TOX: variants seen among roughly 807,000 people sequenced by gnomAD.
TOX encodes the protein thymocyte selection associated high mobility group box, also known as thymocyte selection-associated high mobility group box protein TOX.
A neutral mutation model predicts 53.7 loss-of-function variants in TOX; 11 were observed. That is an observed-to-expected ratio of 0.20 (90% CI 0.13 to 0.34). The LOEUF (loss-of-function observed/expected upper bound fraction) is 0.34, where lower values mean the gene tolerates loss of function less well. TOX is among the 10% of genes least tolerant of loss of function. The pLI is 1.00. For missense variants in TOX, 570 were observed against 664.6 expected, an observed-to-expected ratio of 0.86 and a Z score of 1.56; for synonymous variants, 225 against 245.3, an observed-to-expected ratio of 0.92 and a Z score of 0.77.
chr8:58,870,793 C>A (rs1468311326), intron 3 of TOX, among the ~76,000 whole-genome samples: 2 of 151,968 alleles, frequency 1.3e-5, no homozygotes, highest in African/African-American at 4.8e-5. Context: ...ACAGTCTTTT[C>A]AAAAAATTGG....
At chr8:58,933,676 T>C (rs976648588) in intron 3 of TOX, among the ~76,000 whole-genome samples, 12 of 152,082 alleles carry the variant, frequency 7.9e-5, no homozygotes, top group African/African-American at 2.9e-4. Context: ...TAGATCAAAG[T>C]TGTGTGGTTG....
At chr8:59,045,851 T>G (rs1803672405) in intron 1 of TOX, among the ~76,000 whole-genome samples, 1 of 152,210 alleles carries the variant, frequency 6.6e-6, no homozygotes, top group African/African-American at 2.4e-5. Flanking sequence ...TATCATGGAA[T>G]GAGGCCAAAA....
chr8:58,972,797 T>C (rs1027553742), intron 1 of TOX, among the ~76,000 whole-genome samples: 3 of 152,240 alleles, frequency 2.0e-5, no homozygotes, highest in African/African-American at 7.2e-5. Context: ...ACTTCATATT[T>C]GCTATAAAAA....
intron 1 of TOX, among the ~76,000 whole-genome samples, chr8:58,971,917 C>T (rs139557482): frequency 0.09 from 13,733 of 152,252 alleles, 681 homozygotes; most frequent in Middle Eastern, 0.14. Flanking sequence ...TCTTGAACTC[C>T]TGACCTTAGG....
chr8:58,806,719 CG>C lies in TOX; in HGVS notation c.*1027del, dbSNP rs1348837836. ...TAAATAATAAAGTATTCACACCAAG[CG>C]TGAATTTTTTTTTGCCAGCAAAAGT... On this transcript the variant is annotated 3_prime_UTR_variant, in exon 9 of 9. Transcript: ENST00000361421. 1 of 152,488 alleles carries C rather than the reference CG, an allele frequency of 6.6e-6. No individual in the cohort carries two copies. The highest frequency in any genetic ancestry group is 2.4e-5 in the African/African-American group (1 of 41,418). The allele number at this position is 152,488 out of a possible 1,614,324, so 9.4% of individuals were successfully genotyped here.
intron 1 of TOX, among the ~76,000 whole-genome samples, chr8:59,073,446 G>A (rs912740915): frequency 6.6e-6 from 1 of 152,132 alleles, no homozygotes; most frequent in Admixed American, 6.5e-5. Flanking sequence ...CACGAAATGC[G>A]TTGCTTGAAA....
intron 5 of TOX, among the ~76,000 whole-genome samples, chr8:58,830,114 T>C (rs1359146060): frequency 6.6e-6 from 1 of 152,204 alleles, no homozygotes. Context: ...TAGTATTTAG[T>C]TGAGTTACAA....
chr8:58,925,448 G>T (rs963448099), intron 3 of TOX, among the ~76,000 whole-genome samples: 2 of 152,184 alleles, frequency 1.3e-5, no homozygotes, highest in African/African-American at 4.8e-5. Context: ...GATAAAGCAG[G>T]AGGCCAAGGA....
intron 5 of TOX, among the ~76,000 whole-genome samples, chr8:58,833,359 C>G (rs1277380274): frequency 6.6e-6 from 1 of 152,170 alleles, no homozygotes; most frequent in Non-Finnish European, 1.5e-5. Flanking sequence ...GCTCTTTGGA[C>G]CAACCCTTTC....
At chr8:58,943,629 AAC>A (rs1194925426) in intron 2 of TOX, among the ~76,000 whole-genome samples, 67 of 144,252 alleles carry the variant, frequency 4.6e-4, no homozygotes, top group South Asian at 1.1e-3. Flanking sequence ...AAAAAAAAAA[AAC>A]AAACAAATTA....
chr8:58,896,138 T>C (rs1398981672), intron 3 of TOX, among the ~76,000 whole-genome samples: 1 of 152,146 alleles, frequency 6.6e-6, no homozygotes, highest in Non-Finnish European at 1.5e-5. Context: ...TTTGGCTATG[T>C]CAAAAAGTGG....
intron 1 of TOX, among the ~76,000 whole-genome samples, chr8:58,965,339 T>C (rs116003661): frequency 1.6e-4 from 24 of 152,340 alleles, no homozygotes; most frequent in African/African-American, 5.3e-4. Context: ...CTTCAGTTTT[T>C]TGAAATTGTT....
chr8:58,910,118 A>G (rs909231917), intron 3 of TOX, among the ~76,000 whole-genome samples: 1 of 152,222 alleles, frequency 6.6e-6, no homozygotes, highest in Non-Finnish European at 1.5e-5. Context: ...GCATTGGTAC[A>G]GTAATACACA....
intron 1 of TOX, among the ~76,000 whole-genome samples, chr8:59,063,426 CT>C (rs35219789): frequency 0.093 from 11,468 of 123,712 alleles, 731 homozygotes; most frequent in East Asian, 0.44. Flanking sequence ...AGGATATAGA[CT>C]TTTTTTTTTT....
intron 5 of TOX, among the ~76,000 whole-genome samples, chr8:58,830,037 A>G (rs1810426474): frequency 6.6e-6 from 1 of 152,320 alleles, no homozygotes; most frequent in Non-Finnish European, 1.5e-5. Context: ...AGTTTAGGAA[A>G]GAAATGGTCT....
At chr8:58,972,375 GA>G (rs1157058537) in intron 1 of TOX, among the ~76,000 whole-genome samples, 1 of 152,030 alleles carries the variant, frequency 6.6e-6, no homozygotes, top group East Asian at 1.9e-4. Context: ...AATTCATACA[GA>G]AAATATTACC....
rs1554533756 is a variant in TOX at position 58,963,314 on chromosome 8, T to TAGATAG, written c.103-3307_103-3306insCTATCT. On this transcript the variant is annotated intron_variant, in intron 1 of 8. Coordinates refer to ENST00000361421, the MANE Select transcript of TOX (RefSeq NM_014729.3). ...TAGAAGATAGATAGATAGATATATA[T>TAGATAG]ATAGATAGATAGATAGATAGATAGA... Among the ~76,000 whole-genome samples the TAGATAG allele has an allele frequency of 3.1e-3, 399 of 130,734 alleles. 1 individual carries two copies. Among genetic ancestry groups the TAGATAG allele is most frequent in the African/African-American group, 9.8e-3 (365 of 37,146 alleles). 85.8% of individuals were successfully genotyped at this position (130,734 alleles called of 152,430 possible).
intron 1 of TOX, among the ~76,000 whole-genome samples, chr8:59,068,322 A>G (rs1804131980): frequency 6.6e-6 from 1 of 152,154 alleles, no homozygotes; most frequent in South Asian, 2.1e-4. Flanking sequence ...GTTAAATATA[A>G]TATAGTCTCA....
rs554657108 is a variant in TOX at position 58,821,312 on chromosome 8, C to T, written c.1005+5510G>A. Reference sequence around the variant, plus strand: ...AAATCTTTCCCCCCTCCTTTCTATACCTACTAATACTAAAAATAAAATTAA... The same window carrying T: ...AAATCTTTCCCCCCTCCTTTCTATATCTACTAATACTAAAAATAAAATTAA... On this transcript the variant is annotated intron_variant, in intron 6 of 8. Coordinates refer to ENST00000361421, the MANE Select transcript of TOX (RefSeq NM_014729.3). Among the ~76,000 whole-genome samples the T allele has an allele frequency of 5.3e-5, 8 of 152,100 alleles. No homozygotes were observed. In the East Asian group the frequency reaches 1.4e-3, roughly 26 times the overall value.
Sources: allele counts gnomAD v4.1 joint callset (sites outside exome capture counted in the v4.1 genomes callset), GRCh38; gene constraint gnomAD v4.1.1; transcripts MANE v1.5; gene names NCBI Gene and HGNC (gene_info 2026-07-23, HGNC 2026-07-21).